ZNF655: variants seen among roughly 807,000 people sequenced by gnomAD.
ZNF655 encodes Vav-interacting Kruppel-like protein 1.
Under a neutral mutation model 6.6 loss-of-function variants are expected in ZNF655, and 3 were observed. The ratio of observed to expected loss-of-function variants is 0.46; its 90% CI spans 0.21 to 1.18. The LOEUF (loss-of-function observed/expected upper bound fraction) is 1.18, where lower values mean the gene tolerates loss of function less well. ZNF655 is among the 50% of genes most tolerant of loss of function. The pLI is 0.24. For synonymous variants in ZNF655, 178 were observed against 195.0 expected (o/e 0.91, Z 0.73); for missense variants, 526 against 572.3 (o/e 0.92, Z 0.83).
intron 2 of ZNF655, among the ~76,000 whole-genome samples, chr7:99,566,510 G>T (rs185623767): frequency 2.0e-5 from 3 of 152,306 alleles, no homozygotes; most frequent in East Asian, 3.9e-4. Flanking sequence ...CTTTCAGATG[G>T]CTAAAAGCAT....
intron 2 of ZNF655, among the ~76,000 whole-genome samples, chr7:99,565,943 T>C (rs1270621030): frequency 2.0e-5 from 3 of 150,498 alleles, no homozygotes; most frequent in Non-Finnish European, 4.4e-5. Context: ...GCCAATATGT[T>C]ATTGGGTACT....
chr7:99,573,595 G>C lies in ZNF655; in HGVS notation c.*11G>C. On this transcript the variant is annotated 3_prime_UTR_variant, in exon 3 of 3. Coordinates refer to ENST00000252713, the MANE Select transcript of ZNF655 (RefSeq NM_138494.3). ...AAAGAGAACTCATGAATGTAATGAA[G>C]ATGGGAAGATATTTATCAAATTCAG... 1 of 1,588,452 alleles carries C rather than the reference G, an allele frequency of 6.3e-7. No individual in the cohort carries two copies. Among genetic ancestry groups the C allele is most frequent in the Non-Finnish European group, 8.5e-7 (1 of 1,173,118 alleles).
At chr7:99,571,144 A>G (rs768127745) in intron 2 of ZNF655, 162 of 934,872 alleles carry the variant, frequency 1.7e-4, no homozygotes, top group Non-Finnish European at 2.3e-4. Flanking sequence ...CTACACTCCT[A>G]ATGGGTAAGA....
At chr7:99,571,563 C>A in intron 2 of ZNF655, 1 of 990,636 alleles carries the variant, frequency 1.0e-6, no homozygotes, top group Non-Finnish European at 1.4e-6. Flanking sequence ...ACTCTCCAGA[C>A]CTTCCTAATT....
At chr7:99,561,966 G>C (rs1483574767) in intron 2 of ZNF655, 1 of 1,588,928 alleles carries the variant, frequency 6.3e-7, no homozygotes, top group Non-Finnish European at 8.6e-7. Context: ...TTGACAGCCA[G>C]GTACCAGGTG....
chr7:99,565,175 T>C lies in ZNF655; in HGVS notation c.136+4480T>C, dbSNP rs1015854787. 3.4e-5 allele frequency among the ~76,000 whole-genome samples: 5 copies of C among 146,874 alleles called. No homozygotes were observed. The East Asian group carries it at 9.8e-4, about 29-fold the overall frequency. On this transcript the variant is annotated intron_variant, in intron 2 of 2. Transcript: ENST00000252713. ...TTTAACTTTTTAGGGTTGTAAGACTTTTTTTTTTTTTGAGACGGAGTCTTG... is the reference window on the plus strand; with the variant it reads ...TTTAACTTTTTAGGGTTGTAAGACTCTTTTTTTTTTTGAGACGGAGTCTTG...
chr7:99,566,146 T>C (rs775339102), intron 2 of ZNF655, among the ~76,000 whole-genome samples: 1 of 152,108 alleles, frequency 6.6e-6, no homozygotes, highest in Non-Finnish European at 1.5e-5. Flanking sequence ...AAACTGAGGC[T>C]CAGAGAAGTT....
chr7:99,565,872 A>G (rs1803580254), intron 2 of ZNF655, among the ~76,000 whole-genome samples: 1 of 152,136 alleles, frequency 6.6e-6, no homozygotes, highest in Non-Finnish European at 1.5e-5. Context: ...GTCATGAAGG[A>G]CTACAGTTAT....
intron 2 of ZNF655, chr7:99,571,552 C>A: frequency 1.0e-6 from 1 of 985,924 alleles, no homozygotes; most frequent in Non-Finnish European, 1.4e-6. Flanking sequence ...TTGCCCTCTT[C>A]ACTCTCCAGA....
At chr7:99,560,780 G>A (rs1803082029) in intron 2 of ZNF655, 85 bp downstream of exon 2, 2 of 1,527,170 alleles carry the variant, frequency 1.3e-6, no homozygotes, top group South Asian at 1.2e-5. Flanking sequence ...TTTGAGAGAG[G>A]CCAAGAACTG....
At chr7:99,561,399 C>A (rs929308949) in intron 2 of ZNF655, among the ~76,000 whole-genome samples, 1 of 152,054 alleles carries the variant, frequency 6.6e-6, no homozygotes, top group Non-Finnish European at 1.5e-5. Flanking sequence ...GATTGTGGGA[C>A]TGTGGAAAAG....
At chr7:99,565,597 C>T (rs1383712794) in intron 2 of ZNF655, among the ~76,000 whole-genome samples, 3 of 151,968 alleles carry the variant, frequency 2.0e-5, no homozygotes, top group South Asian at 2.1e-4. Context: ...TTTTCGTTAC[C>T]ACATAATTGA....
At position 99,573,564 on chromosome 7, in the gene ZNF655, C is replaced by T; in HGVS notation, c.1456C>T (p.His486Tyr). Reference protein sequence around the residue: ...RAHLVQHQSIHTKENS With the variant: ...RAHLVQHQSIYTKENS The stretch of plus-strand genomic sequence containing the variant: ...ACATCTAGTTCAACATCAGAGCATT[C>T]ATACCAAAGAGAACTCATGAATGTA... The change falls in exon 3 of 3, where the codon CAT becomes TAT. Residue 486 changes from histidine (H) to tyrosine (Y), a missense_variant. Coordinates refer to ENST00000252713, the MANE Select transcript of ZNF655 (RefSeq NM_138494.3). 7 of 1,603,308 alleles carry T rather than the reference C, an allele frequency of 4.4e-6. No individual in the cohort carries two copies. The highest frequency in any genetic ancestry group is 5.9e-6 in the Non-Finnish European group (7 of 1,178,728).
chr7:99,562,269 C>T (rs1435450876), intron 2 of ZNF655: 9 of 1,477,002 alleles, frequency 6.1e-6, no homozygotes, highest in South Asian at 5.3e-5. Flanking sequence ...TCCTCCTCAA[C>T]GTAAGTACAC....
At chr7:99,561,829 C>T in intron 2 of ZNF655, 1 of 1,255,554 alleles carries the variant, frequency 8.0e-7, no homozygotes, top group African/African-American at 1.5e-5. Flanking sequence ...GAGGCCTCCT[C>T]TGAAAGGGAG....
chr7:99,566,928 AT>A (rs555878478), intron 2 of ZNF655, among the ~76,000 whole-genome samples: 6 of 150,354 alleles, frequency 4.0e-5, no homozygotes, highest in Non-Finnish European at 7.4e-5. Flanking sequence ...AAATAAAATA[AT>A]TTTTTTTTTG....
Position 99,572,865 on chromosome 7 carries a change from T to A in ZNF655, c.757T>A (p.Ser253Thr), listed in dbSNP as rs750960756. ...ATGTGAAAAGTCTTTCAGTCAGAGC[T>A]CAAGTCTTAGTCGACATAAAAGAAT... ...KECEKSFSQS[S>T]SLSRHKRIHT... Residue 253 changes from serine to threonine, a missense_variant, in exon 3 of 3, where the codon TCA becomes ACA. Transcript: ENST00000252713. 1 of 1,614,056 alleles carries A rather than the reference T, an allele frequency of 6.2e-7. No individual in the cohort carries two copies. Among genetic ancestry groups the A allele is most frequent in the East Asian group, 2.2e-5 (1 of 44,874 alleles).
At chr7:99,565,278 C>T (rs555304554) in intron 2 of ZNF655, among the ~76,000 whole-genome samples, 2 of 152,194 alleles carry the variant, frequency 1.3e-5, no homozygotes, top group African/African-American at 4.8e-5. Flanking sequence ...ATGCCATTCT[C>T]CTGCCTCAGC....
chr7:99,564,128 C>T, intron 2 of ZNF655: 1 of 1,507,026 alleles, frequency 6.6e-7, no homozygotes, highest in Non-Finnish European at 8.8e-7. Flanking sequence ...CGCAGCTCCT[C>T]AAATTACCTC....
Sources: allele counts gnomAD v4.1 joint callset (sites outside exome capture counted in the v4.1 genomes callset), GRCh38; gene constraint gnomAD v4.1.1; transcripts MANE v1.5; gene names NCBI Gene and HGNC (gene_info 2026-07-23, HGNC 2026-07-21).